Variants in PDE11A observed in about 807,000 individuals in gnomAD.
The protein encoded by PDE11A is dual 3',5'-cyclic-AMP and -GMP phosphodiesterase 11A.
In PDE11A, 100 loss-of-function variants were observed where a neutral mutation model predicts 100.5. That is an observed-to-expected ratio of 1.00 (90% CI 0.85 to 1.18). The LOEUF (loss-of-function observed/expected upper bound fraction) is 1.18. PDE11A is among the 50% of genes most tolerant of loss of function. PDE11A has a pLI of 0.00. For missense variants in PDE11A, 1,141 were observed against 1,152.6 expected, an observed-to-expected ratio of 0.99 and a Z score of 0.15; for synonymous variants, 381 against 420.8, an observed-to-expected ratio of 0.91 and a Z score of 1.16.
At chr2:177,697,563 GTATAAA>G in intron 14 of PDE11A, 131 bp from the exon 15 acceptor site, 2 of 642,594 alleles carry the variant, frequency 3.1e-6, no homozygotes, top group Non-Finnish European at 5.7e-6. Flanking sequence ...GTGAAATTTT[GTATAAA>G]TATAAACAGA....
intron 10 of PDE11A, among the ~76,000 whole-genome samples, chr2:177,760,703 T>C (rs1196405805): frequency 1.3e-5 from 2 of 152,206 alleles, no homozygotes; most frequent in African/African-American, 2.4e-5. Context: ...TGTCTTTTTA[T>C]ACACTTGCTT....
intron 1 of PDE11A, among the ~76,000 whole-genome samples, chr2:178,022,425 G>A (rs1358817628): frequency 6.6e-6 from 1 of 152,136 alleles, no homozygotes; most frequent in African/African-American, 2.4e-5. Context: ...CATCCACATG[G>A]TACAGATGCT....
At chr2:177,902,225 C>T (rs572236935) in intron 3 of PDE11A, among the ~76,000 whole-genome samples, 1 of 152,120 alleles carries the variant, frequency 6.6e-6, no homozygotes, top group South Asian at 2.1e-4. Context: ...CTAACTGATA[C>T]GATATATTCT....
intron 4 of PDE11A, among the ~76,000 whole-genome samples, chr2:177,897,377 T>A (rs1161352496): frequency 6.6e-6 from 1 of 152,148 alleles, no homozygotes. Context: ...GCCCTAAGGC[T>A]CTGAACGAGA....
At chr2:177,918,302 T>G (rs2084984367) in intron 2 of PDE11A, among the ~76,000 whole-genome samples, 1 of 152,222 alleles carries the variant, frequency 6.6e-6, no homozygotes, top group South Asian at 2.1e-4. Context: ...TATTCACAGT[T>G]TCTACTTTCC....
chr2:177,881,047 G>A (rs1412384496), intron 4 of PDE11A, among the ~76,000 whole-genome samples: 5 of 152,182 alleles, frequency 3.3e-5, no homozygotes, highest in African/African-American at 9.7e-5. Context: ...GAGTAAAGAA[G>A]ATTGTCCTGA....
chr2:178,089,997 G>A (rs2087401902), intron 2 of PDE11A, among the ~76,000 whole-genome samples: 1 of 152,212 alleles, frequency 6.6e-6, no homozygotes, highest in Non-Finnish European at 1.5e-5. Context: ...ACAAAGGTGA[G>A]CCAACAGATT....
chr2:177,845,366 G>A (rs2083572283), intron 5 of PDE11A, among the ~76,000 whole-genome samples: 2 of 151,012 alleles, frequency 1.3e-5, no homozygotes, highest in African/African-American at 4.9e-5. Context: ...TCTCGGCCGG[G>A]CAGAGGCGCT....
intron 19 of PDE11A, among the ~76,000 whole-genome samples, chr2:177,659,334 TAGC>T (rs1259223355): frequency 6.6e-6 from 1 of 151,186 alleles, no homozygotes; most frequent in Non-Finnish European, 1.5e-5. Context: ...ATCTTAACAT[TAGC>T]AGCCCTGCCT....
At chr2:177,926,027 G>A (rs2085120231) in intron 2 of PDE11A, among the ~76,000 whole-genome samples, 1 of 151,974 alleles carries the variant, frequency 6.6e-6, no homozygotes, top group Non-Finnish European at 1.5e-5. Context: ...TAGGAAAGCA[G>A]CAAAAATTCT....
At chr2:177,916,122 C>A (rs146540709) in intron 2 of PDE11A, among the ~76,000 whole-genome samples, 1 of 152,310 alleles carries the variant, frequency 6.6e-6, no homozygotes, top group South Asian at 2.1e-4. Context: ...TCTTTTTCTA[C>A]GTTTCTGACA....
chr2:177,719,784 C>T (rs2081498260), intron 12 of PDE11A, among the ~76,000 whole-genome samples: 1 of 151,964 alleles, frequency 6.6e-6, no homozygotes, highest in Non-Finnish European at 1.5e-5. Flanking sequence ...TTGTTTGGTA[C>T]ATTATTAAAA....
chr2:177,986,753 C>T (rs2085944737), intron 2 of PDE11A, among the ~76,000 whole-genome samples: 1 of 150,950 alleles, frequency 6.6e-6, no homozygotes. Context: ...ATCGCTTGAA[C>T]ACGGGAGGCA....
At chr2:177,940,064 T>G (rs1401654645) in intron 2 of PDE11A, among the ~76,000 whole-genome samples, 4 of 152,152 alleles carry the variant, frequency 2.6e-5, no homozygotes, top group African/African-American at 4.8e-5. Flanking sequence ...TTGAATGACG[T>G]TTGAAATTTG....
intron 12 of PDE11A, among the ~76,000 whole-genome samples, chr2:177,712,620 AT>A (rs2105426663): frequency 6.6e-6 from 1 of 152,220 alleles, no homozygotes; most frequent in East Asian, 1.9e-4. Context: ...CTGTGATGTG[AT>A]TTCTTTTAGA....
At chr2:177,711,960 C>T in intron 12 of PDE11A, 82 bp from the exon 13 acceptor site, 1 of 728,184 alleles carries the variant, frequency 1.4e-6, no homozygotes, top group Non-Finnish European at 2.5e-6. Context: ...ACAGTCAACT[C>T]TGTTTTCATA....
At chr2:177,721,851 C>T (rs545552948) in intron 12 of PDE11A, among the ~76,000 whole-genome samples, 2 of 152,244 alleles carry the variant, frequency 1.3e-5, no homozygotes, top group East Asian at 3.9e-4. Flanking sequence ...TTCTTCAAAG[C>T]TCAAATTTTT....
At chr2:178,039,140 A>G (rs1375281555) in intron 1 of PDE11A, 1 of 152,194 alleles carries the variant, frequency 6.6e-6, no homozygotes, top group Non-Finnish European at 1.5e-5. Context: ...ACATGCAAGG[A>G]ATCAACCTAA....
chr2:177,866,179 TC>T (rs1347263288), intron 5 of PDE11A, among the ~76,000 whole-genome samples: 2 of 152,272 alleles, frequency 1.3e-5, no homozygotes, highest in African/African-American at 4.8e-5. Context: ...TATTCACATC[TC>T]CCTTTAGGAG....
Sources: allele counts gnomAD v4.1 joint callset (sites outside exome capture counted in the v4.1 genomes callset), GRCh38; gene constraint gnomAD v4.1.1; transcripts MANE v1.5; gene names NCBI Gene and HGNC (gene_info 2026-07-23, HGNC 2026-07-21).